Variants in JAK2 observed in about 807,000 individuals in gnomAD.
JAK2 encodes the protein tyrosine-protein kinase JAK2.
JAK2 carries 86 observed loss-of-function variants against 139.3 expected under a neutral mutation model. That is an observed-to-expected ratio of 0.62 (90% CI 0.52 to 0.74). JAK2 has a LOEUF of 0.74. JAK2 is among the 30% of genes least tolerant of loss of function. JAK2 has a pLI of 0.00. For missense variants in JAK2, 1,421 were observed against 1,360.3 expected, an observed-to-expected ratio of 1.04 and a Z score of -0.70; for synonymous variants, 490 against 437.7, an observed-to-expected ratio of 1.12 and a Z score of -1.49.
chr9:5,054,855 C>T lies in JAK2; in HGVS notation c.907C>T (p.His303Tyr). ...TGGAATTCAGTGGTCAAGAGGGAAA[C>T]ATAAAGAAAGTGAGACACTGACAGA... ...NGGIQWSRGK[H>Y]KESETLTEQD... The change falls in exon 7 of 25, where the codon CAT becomes TAT. Residue 303 changes from histidine (H) to tyrosine (Y), a missense_variant. Coordinates refer to ENST00000381652, the MANE Select transcript of JAK2 (RefSeq NM_004972.4). This position sits in a 1 kb window ranked among gnomAD's most constrained non-coding sequence, Gnocchi z 4.9. 1.9e-6 allele frequency: 3 copies of T among 1,607,556 alleles called. No individual in the cohort carries two copies. The highest frequency in any genetic ancestry group is 2.5e-6 in the Non-Finnish European group (3 of 1,177,404).
intron 2 of JAK2, among the ~76,000 whole-genome samples, chr9:5,001,824 G>A (rs765149849): frequency 1.3e-5 from 2 of 152,038 alleles, no homozygotes; most frequent in South Asian, 2.1e-4. Context: ...TTGTGGGTAT[G>A]TTTTTAATGA....
At chr9:5,042,212 A>G (rs924698875) in intron 4 of JAK2, among the ~76,000 whole-genome samples, 4 of 141,126 alleles carry the variant, frequency 2.8e-5, no homozygotes, top group Non-Finnish European at 6.0e-5. Context: ...ATCTCGGCTC[A>G]CTGCAAGCTC....
At position 4,995,213 on chromosome 9, in the gene JAK2, A is replaced by G. The variant is rs530405253; in HGVS notation, c.-26+9191A>G. ...TCACTCATATCTTGGCCCACTTTCT[A>G]TTGGATTTGTGGTCCTTTTACTTTG... On this transcript the variant is annotated intron_variant, in intron 2 of 24. Transcript: ENST00000381652. Among the ~76,000 whole-genome samples the G allele has an allele frequency of 2.0e-4, 30 of 152,196 alleles. No homozygotes were observed. In the South Asian group the frequency reaches 2.3e-3, roughly 12 times the overall value.
chr9:5,086,128 G>A (rs186697891), intron 19 of JAK2: 6 of 379,974 alleles, frequency 1.6e-5, no homozygotes, highest in Admixed American at 1.3e-4. Context: ...AGCGGCGCGC[G>A]GCCCCGGCGG....
At chr9:5,004,147 T>G (rs1445527730) in intron 2 of JAK2, among the ~76,000 whole-genome samples, 1 of 152,178 alleles carries the variant, frequency 6.6e-6, no homozygotes. Context: ...GTGAGAACAC[T>G]TAAAATCTAC....
In JAK2 at chr9:5,035,245, T is replaced by C. The variant is rs540979022; in HGVS notation, c.350+5339T>C. Among the ~76,000 whole-genome samples the C allele has an allele frequency of 2.1e-4, 32 of 152,218 alleles. 1 individual carries two copies. The East Asian group carries it at 5.2e-3, about 25-fold the overall frequency. On this transcript the variant is annotated intron_variant, in intron 4 of 24. Transcript: ENST00000381652. Reference sequence around the variant, plus strand: ...CTGAAATTGAGGCAATAATTAATAGTTTACCAACCAAAAAAAGTCCAGGAC... The same window carrying C: ...CTGAAATTGAGGCAATAATTAATAGCTTACCAACCAAAAAAAGTCCAGGAC...
At chr9:5,032,301 C>T (rs1039450272) in intron 4 of JAK2, among the ~76,000 whole-genome samples, 1 of 152,248 alleles carries the variant, frequency 6.6e-6, no homozygotes, top group African/African-American at 2.4e-5. Context: ...CTGCCGGCCT[C>T]TGTAGACTCC....
intron 5 of JAK2, among the ~76,000 whole-genome samples, chr9:5,049,975 G>A (rs772273745): frequency 1.3e-5 from 2 of 152,096 alleles, no homozygotes; most frequent in Admixed American, 6.5e-5. Flanking sequence ...TGGAACCATC[G>A]TTATATATGT....
chr9:5,113,022 G>A lies in JAK2; in HGVS notation c.3060-9982G>A, dbSNP rs539559345. 2.0e-3 allele frequency among the ~76,000 whole-genome samples: 298 copies of A among 152,118 alleles called. 2 individuals carry two copies. Among genetic ancestry groups the A allele is most frequent in the African/African-American group, 6.8e-3 (284 of 41,490 alleles). ...AGTGATGGGGGCAAGGAAGGTGAGT[G>A]ATGGGGGTGAGGAAGGTGACGCTGG... On this transcript the variant is annotated intron_variant, in intron 22 of 24. Coordinates refer to ENST00000381652, the MANE Select transcript of JAK2 (RefSeq NM_004972.4).
At chr9:4,986,789 T>C (rs1819971287) in intron 2 of JAK2, among the ~76,000 whole-genome samples, 1 of 152,224 alleles carries the variant, frequency 6.6e-6, no homozygotes, top group Admixed American at 6.5e-5. Context: ...ATAGACCTTA[T>C]TCACACAGCC....
At chr9:5,085,541 G>C (rs1470041293) in intron 19 of JAK2, 12 of 703,990 alleles carry the variant, frequency 1.7e-5, no homozygotes, top group Non-Finnish European at 3.2e-5. Flanking sequence ...TCAATAACTC[G>C]GGTTAAAATA....
At chr9:5,025,537 C>T (rs1323023539) in intron 3 of JAK2, among the ~76,000 whole-genome samples, 3 of 120,786 alleles carry the variant, frequency 2.5e-5, no homozygotes, top group African/African-American at 1.1e-4. Flanking sequence ...GAGTTTGTTT[C>T]CTTTTTTTTT....
At chr9:5,022,508 G>A (rs909995232) in intron 3 of JAK2, among the ~76,000 whole-genome samples, 3 of 152,092 alleles carry the variant, frequency 2.0e-5, no homozygotes, top group African/African-American at 7.2e-5. Flanking sequence ...ATGACATAAG[G>A]TAATATTAAA....
At chr9:4,996,638 T>C (rs1376781882) in intron 2 of JAK2, among the ~76,000 whole-genome samples, 1 of 151,658 alleles carries the variant, frequency 6.6e-6, no homozygotes, top group Admixed American at 6.6e-5. Context: ...GTTGTAATGA[T>C]ATTGCTGGAA....
At chr9:5,125,811 C>G (rs931343407) in intron 23 of JAK2, among the ~76,000 whole-genome samples, 4 of 145,994 alleles carry the variant, frequency 2.7e-5, no homozygotes, top group African/African-American at 1.0e-4. Context: ...TGTGCTTTGC[C>G]TATCTTTATA....
chr9:5,011,888 C>G (rs192946201), intron 2 of JAK2, among the ~76,000 whole-genome samples: 2 of 152,272 alleles, frequency 1.3e-5, no homozygotes, highest in East Asian at 1.9e-4. Flanking sequence ...TCTTATTCTT[C>G]AAGTGTGGCT....
chr9:5,035,991 C>G (rs1823568054), intron 4 of JAK2, among the ~76,000 whole-genome samples: 1 of 152,198 alleles, frequency 6.6e-6, no homozygotes, highest in Non-Finnish European at 1.5e-5. Context: ...CCCATCGTCT[C>G]AGCCCAAAAT....
intron 8 of JAK2, among the ~76,000 whole-genome samples, chr9:5,059,235 T>C (rs1267939767): frequency 6.6e-6 from 1 of 152,180 alleles, no homozygotes; most frequent in Non-Finnish European, 1.5e-5. Flanking sequence ...CATATTCACC[T>C]CCACCCCTAA....
chr9:5,041,657 G>T, intron 4 of JAK2: 2 of 508,984 alleles, frequency 3.9e-6, no homozygotes, highest in Non-Finnish European at 7.9e-6. Flanking sequence ...ACGACTACCT[G>T]CGGAAGCTCT....
Sources: gnomAD v4.1 joint callset for allele counts (sites outside exome capture counted in the v4.1 genomes callset) on GRCh38, gnomAD v4.1.1 for gene constraint, Gnocchi (gnomAD v3.1) non-coding constraint, MANE v1.5 for transcripts, NCBI Gene and HGNC (gene_info 2026-07-23, HGNC 2026-07-21) for gene names.